The following PDZD8 variants were observed in gnomAD, a reference collection of about 807,000 sequenced individuals.
PDZD8 encodes PDZ domain containing 8, also known as PDZ domain-containing protein 8.
A neutral mutation model predicts 85.8 loss-of-function variants in PDZD8; 14 were observed. The observed-to-expected ratio is 0.16, with a 90% CI of 0.11 to 0.26. The LOEUF (loss-of-function observed/expected upper bound fraction) is 0.26, where lower values mean the gene tolerates loss of function less well. PDZD8 is among the 10% of genes least tolerant of loss of function. The probability of loss-of-function intolerance (pLI) is 1.00; values close to 1 mark genes in which losing one functional copy is unlikely to be tolerated. For missense variants in PDZD8, 1,197 were observed against 1,424.3 expected, an observed-to-expected ratio of 0.84 and a Z score of 2.57; for synonymous variants, 592 against 568.6, an observed-to-expected ratio of 1.04 and a Z score of -0.59.
At chr10:117,347,980 T>C (rs1389653027) in intron 1 of PDZD8, among the ~76,000 whole-genome samples, 1 of 152,226 alleles carries the variant, frequency 6.6e-6, no homozygotes, top group Non-Finnish European at 1.5e-5. Flanking sequence ...CTAAAGGTTA[T>C]GGGTTTTCTT....
rs1844551642 is a variant in PDZD8 at position 117,279,763 on chromosome 10, T to TAAG, written c.*3504_*3505insCTT. 2 of 151,946 alleles carry TAAG rather than the reference T, an allele frequency of 1.3e-5. No individual in the cohort carries two copies. Among genetic ancestry groups the TAAG allele is most frequent in the South Asian group, 4.1e-4 (2 of 4,826 alleles). The allele number at this position is 151,946 out of a possible 1,614,324, so 9.4% of individuals were successfully genotyped here. A position where few individuals can be genotyped will look rare whatever the true frequency, so the allele number is the denominator to read the frequency against. On this transcript the variant is annotated 3_prime_UTR_variant, in exon 5 of 5. Transcript: ENST00000334464. ...CCCATTTGACTTAATCCCGGGGGAG[T>TAAG]TTGTAAAACCGTTGAAATCTGATAC...
In PDZD8 at chr10:117,277,645, A is replaced by G. The variant is rs920390809; in HGVS notation, c.*5623T>C. The G allele has an allele frequency of 1.9e-5, 3 of 154,028 alleles. No individual in the cohort carries two copies. Among genetic ancestry groups the G allele is most frequent in the African/African-American group, 7.2e-5 (3 of 41,496 alleles). The allele number at this position is 154,028 out of a possible 1,614,324, so 9.5% of individuals were successfully genotyped here. ...ATATTGGTAATGAGTGTTTAAAATT[A>G]AAGCACACATTATCTCTGAGACTCT... On this transcript the variant is annotated 3_prime_UTR_variant, in exon 5 of 5. Transcript: ENST00000334464.
At chr10:117,287,894 T>C (rs746476177) in intron 4 of PDZD8, among the ~76,000 whole-genome samples, 3 of 152,228 alleles carry the variant, frequency 2.0e-5, no homozygotes, top group East Asian at 1.9e-4. Context: ...AACCATACTA[T>C]GTCTCAGCAA....
chr10:117,295,795 T>C (rs1383195431), intron 3 of PDZD8, among the ~76,000 whole-genome samples: 1 of 152,142 alleles, frequency 6.6e-6, no homozygotes, highest in African/African-American at 2.4e-5. Context: ...CCAATATTCA[T>C]TAATGGTAAA....
At chr10:117,332,352 C>A (rs1844432307) in intron 2 of PDZD8, among the ~76,000 whole-genome samples, 1 of 152,112 alleles carries the variant, frequency 6.6e-6, no homozygotes, top group African/African-American at 2.4e-5. Context: ...CATTATTATA[C>A]ACATTTCTCC....
At chr10:117,336,695 G>A (rs117168313) in intron 2 of PDZD8, among the ~76,000 whole-genome samples, 4,903 of 151,988 alleles carry the variant, frequency 0.032, 85 homozygotes, top group South Asian at 0.04. Flanking sequence ...TCTTGAGGGG[G>A]TTCCTACTGG....
intron 2 of PDZD8, among the ~76,000 whole-genome samples, chr10:117,338,338 G>T (rs982283821): frequency 2.0e-5 from 3 of 152,120 alleles, no homozygotes; most frequent in Non-Finnish European, 2.9e-5. Context: ...AATGGCACAA[G>T]GAAATCTCTA....
rs1169449597 is a variant in PDZD8, at chr10:117,338,383, T to C, written c.995+2597A>G. On this transcript the variant is annotated intron_variant, in intron 2 of 4. Coordinates refer to ENST00000334464, the MANE Select transcript of PDZD8 (RefSeq NM_173791.5). ...CTTGTTCCCAAGATGAATCTATCAC[T>C]TGGGGAAAGGTGCTGGCTATATAAC... 2.6e-5 allele frequency among the ~76,000 whole-genome samples: 4 copies of C among 152,192 alleles called. No homozygotes were observed. The South Asian group carries it at 6.2e-4, about 24-fold the overall frequency.
chr10:117,283,746 C>T lies in PDZD8; in HGVS notation c.2987G>A (p.Ser996Asn). 6.2e-7 allele frequency: 1 copy of T among 1,614,186 alleles called. No homozygotes were observed. Among genetic ancestry groups the T allele is most frequent in the Non-Finnish European group, 8.5e-7 (1 of 1,180,026 alleles). The change falls in exon 5 of 5, where the codon AGC (serine) becomes AAC (asparagine). Residue 996 changes from serine to asparagine, a missense_variant. Physicochemically the swap from Ser to Asn is conservative, Grantham distance 46. Around this residue, in one of 4 missense-constraint regions of PDZD8, gnomAD observed 418 missense variants for 571.1 expected, o/e 0.73. Coordinates refer to ENST00000334464, the MANE Select transcript of PDZD8 (RefSeq NM_173791.5). ...GPNSPSKRGN[S>N]TGIKLVRKEG... ...TTTTCTCACTAACTTTATTCCTGTG[C>T]TGTTTCCCCGTTTAGAAGGACTGTT...
chr10:117,355,685 T>C (rs955465308), intron 1 of PDZD8, among the ~76,000 whole-genome samples: 7 of 152,134 alleles, frequency 4.6e-5, no homozygotes, highest in African/African-American at 1.7e-4. Flanking sequence ...CATTGAATAA[T>C]GAAAAGCACT....
chr10:117,283,584 T>C lies in PDZD8; in HGVS notation c.3149A>G (p.Glu1050Gly), dbSNP rs749673942. 67 of 1,614,062 alleles carry C rather than the reference T, an allele frequency of 4.2e-5. No homozygotes were observed. Among genetic ancestry groups the C allele is most frequent in the Non-Finnish European group, 5.5e-5 (65 of 1,180,028 alleles). ...AACAAGGGAATTATTGTGTTCCAAC[T>C]CCTGATCAATTTCATTCTGTAGCTT... ...LDKLQNEIDQ[E>G]LEHNNSLVRE... The change falls in exon 5 of 5, where the codon GAG (glutamate) becomes GGG (glycine). Residue 1050 changes from glutamate to glycine, a missense_variant. Around this residue, in one of 4 missense-constraint regions of PDZD8, gnomAD observed 418 missense variants for 571.1 expected, o/e 0.73. Transcript: ENST00000334464.
At position 117,351,202 on chromosome 10, in the gene PDZD8, C is replaced by T. The variant is rs559586429; in HGVS notation, c.873-10100G>A. 2.0e-5 allele frequency among the ~76,000 whole-genome samples: 3 copies of T among 152,252 alleles called. No individual in the cohort carries two copies. The South Asian group carries it at 6.2e-4, about 32-fold the overall frequency. On this transcript the variant is annotated intron_variant, in intron 1 of 4. Coordinates refer to ENST00000334464, the MANE Select transcript of PDZD8 (RefSeq NM_173791.5). ...TCGATATACCCAAGAGAAATGTGCA[C>T]AAATGTTCACCAAAAGGCATATATA...
intron 1 of PDZD8, 127 bp from the exon 2 acceptor site, chr10:117,341,229 C>T (rs1844606803): frequency 1.1e-6 from 1 of 930,368 alleles, no homozygotes; most frequent in Non-Finnish European, 1.6e-6. Context: ...CTCTACAAAA[C>T]CAAAGCTTAC....
chr10:117,334,047 T>G (rs1247119150), intron 2 of PDZD8, among the ~76,000 whole-genome samples: 2 of 152,214 alleles, frequency 1.3e-5, no homozygotes, highest in Non-Finnish European at 1.5e-5. Context: ...ACTTTAACAG[T>G]AGTGAAGTGT....
chr10:117,292,054 T>C (rs1844776937), intron 3 of PDZD8, among the ~76,000 whole-genome samples: 1 of 152,150 alleles, frequency 6.6e-6, no homozygotes, highest in Admixed American at 6.5e-5. Flanking sequence ...CTGCACTGCT[T>C]TAATATATAA....
chr10:117,322,523 A>G (rs745727588), intron 2 of PDZD8, among the ~76,000 whole-genome samples: 8 of 152,152 alleles, frequency 5.3e-5, no homozygotes, highest in Non-Finnish European at 1.0e-4. Flanking sequence ...TGCAGTTTTA[A>G]AAGTAACCGA....
At position 117,331,876 on chromosome 10, in the gene PDZD8, A is replaced by G. The variant is rs959578822; in HGVS notation, c.995+9104T>C. Reference sequence around the variant, plus strand: ...GGGAAAAGGATATGGGGAAGAAAAGAGAGCCTACATAAATACAGGAGGGAG... The same window carrying G: ...GGGAAAAGGATATGGGGAAGAAAAGGGAGCCTACATAAATACAGGAGGGAG... On this transcript the variant is annotated intron_variant, in intron 2 of 4. Transcript: ENST00000334464. Among the ~76,000 whole-genome samples the G allele has an allele frequency of 6.6e-5, 10 of 152,314 alleles. 1 individual carries two copies. The South Asian group carries it at 2.1e-3, about 32-fold the overall frequency.
intron 2 of PDZD8, 153 bp from the exon 3 acceptor site, chr10:117,319,127 C>T (rs922130813): frequency 9.8e-6 from 6 of 609,634 alleles, no homozygotes; most frequent in South Asian, 2.0e-5. Flanking sequence ...ATTTTATACA[C>T]CCTCTAGTGG....
Position 117,284,968 on chromosome 10 carries a change from G to C in PDZD8, c.1765C>G (p.Pro589Ala), listed in dbSNP as rs1844635143. ...SKPTQGSAFK[P>A]PVPPRPQAKV... is the part of the protein sequence containing the mutation. Reference sequence around the variant, plus strand: ...GCTTGTGGTCGTGGTGGCACAGGTGGTTTGAAAGCAGATCCTTGGGTTGGT... The same window carrying C: ...GCTTGTGGTCGTGGTGGCACAGGTGCTTTGAAAGCAGATCCTTGGGTTGGT... The change falls in exon 5 of 5, where the codon CCA becomes GCA. Residue 589 changes from proline to alanine, a missense_variant. Pro to Ala is a conservative substitution (Grantham distance 27). This residue lies in a region of PDZD8 where 263 missense variants were observed against 261.9 expected (regional missense o/e 1.00). Coordinates refer to ENST00000334464, the MANE Select transcript of PDZD8 (RefSeq NM_173791.5). The C allele has an allele frequency of 1.2e-6, 2 of 1,614,018 alleles. No individual in the cohort carries two copies. Among genetic ancestry groups the C allele is most frequent in the Non-Finnish European group, 1.7e-6 (2 of 1,180,026 alleles).
Sources: gnomAD v4.1 joint callset for allele counts (sites outside exome capture counted in the v4.1 genomes callset) on GRCh38, gnomAD v4.1.1 for gene constraint, gnomAD v4.1.1 regional missense constraint, MANE v1.5 for transcripts, NCBI Gene and HGNC (gene_info 2026-07-23, HGNC 2026-07-21) for gene names.